The following SGCZ variants were observed in gnomAD, a reference collection of about 807,000 sequenced individuals.
SGCZ encodes the protein zeta-sarcoglycan.
In SGCZ, 40 loss-of-function variants were observed where a neutral mutation model predicts 41.3. That is an observed-to-expected ratio of 0.97 (90% CI 0.75 to 1.26). The LOEUF (loss-of-function observed/expected upper bound fraction) is 1.26, where lower values mean the gene tolerates loss of function less well. Among genes scored for constraint, SGCZ ranks in the 50% most tolerant of loss-of-function variants. The pLI, the probability that SGCZ is intolerant of heterozygous loss-of-function variation, is 0.00. For missense variants in SGCZ, 552 were observed against 369.8 expected, an observed-to-expected ratio of 1.49 and a Z score of -4.04; for synonymous variants, 206 against 137.5, an observed-to-expected ratio of 1.50 and a Z score of -3.49.
At chr8:14,398,942 C>A (rs1371982661) in intron 2 of SGCZ, among the ~76,000 whole-genome samples, 1 of 151,970 alleles carries the variant, frequency 6.6e-6, no homozygotes, top group Non-Finnish European at 1.5e-5. Flanking sequence ...TTACAATTTT[C>A]TTTTCTTTTT....
At chr8:14,801,714 G>C (rs569524549) in intron 1 of SGCZ, among the ~76,000 whole-genome samples, 4 of 152,142 alleles carry the variant, frequency 2.6e-5, no homozygotes, top group Non-Finnish European at 5.9e-5. Flanking sequence ...TTGCTAGAAG[G>C]ATCAAGATCA....
intron 1 of SGCZ, among the ~76,000 whole-genome samples, chr8:15,098,110 G>A (rs9918870): frequency 0.95 from 144,292 of 151,430 alleles, 68,964 homozygotes; most frequent in Middle Eastern, 0.99. Flanking sequence ...TCTTTATGTA[G>A]AAGTAACAGC....
At chr8:14,684,779 CA>C (rs199790040) in intron 1 of SGCZ, among the ~76,000 whole-genome samples, 4 of 149,588 alleles carry the variant, frequency 2.7e-5, no homozygotes, top group African/African-American at 4.9e-5. Flanking sequence ...TCTTTCCTTT[CA>C]AAAAAAAATC....
At chr8:14,890,759 G>A (rs1804981313) in intron 1 of SGCZ, among the ~76,000 whole-genome samples, 1 of 152,188 alleles carries the variant, frequency 6.6e-6, no homozygotes, top group Non-Finnish European at 1.5e-5. Flanking sequence ...AGCCAAAGAG[G>A]AGAGTCAATG....
intron 4 of SGCZ, among the ~76,000 whole-genome samples, chr8:14,233,069 G>C (rs921511556): frequency 6.6e-5 from 10 of 151,962 alleles, no homozygotes; most frequent in Admixed American, 3.3e-4. Flanking sequence ...AATGAGGAAT[G>C]CTAACAAAAC....
chr8:14,802,921 G>T (rs2130508353), intron 1 of SGCZ, among the ~76,000 whole-genome samples: 1 of 152,276 alleles, frequency 6.6e-6, no homozygotes, highest in East Asian at 1.9e-4. Flanking sequence ...TTCAGCTAAA[G>T]CAGCAGGACC....
rs112083836 is a variant in SGCZ at position 14,999,634 on chromosome 8, C to A, written c.39+237951G>T. On this transcript the variant is annotated intron_variant, in intron 1 of 7. Coordinates refer to ENST00000382080, the MANE Select transcript of SGCZ (RefSeq NM_139167.4). ...TAACTTCTCTCTATGCAATGTGGTGCTGCAACCCTGCTTCTATTACAGTCT... is the reference window on the plus strand; with the variant it reads ...TAACTTCTCTCTATGCAATGTGGTGATGCAACCCTGCTTCTATTACAGTCT... Among the ~76,000 whole-genome samples the A allele has an allele frequency of 3.8e-3, 582 of 151,232 alleles. 4 individuals carry two copies. Among genetic ancestry groups the A allele is most frequent in the African/African-American group, 0.014 (558 of 40,604 alleles).
intron 3 of SGCZ, among the ~76,000 whole-genome samples, chr8:14,243,856 G>A (rs565684366): frequency 7.9e-5 from 12 of 152,196 alleles, no homozygotes; most frequent in South Asian, 4.1e-4. Context: ...CACAGTACTC[G>A]TTGTAGGCTT....
chr8:14,448,525 G>A (rs1363913182), intron 2 of SGCZ, among the ~76,000 whole-genome samples: 1 of 152,128 alleles, frequency 6.6e-6, no homozygotes, highest in East Asian at 1.9e-4. Flanking sequence ...TATGGGAATT[G>A]CTGAGTCAAA....
At chr8:14,860,735 A>AAAGAAAGAAAGAAAGAAAGT (rs1178772574) in intron 1 of SGCZ, among the ~76,000 whole-genome samples, 31 of 112,828 alleles carry the variant, frequency 2.7e-4, no homozygotes, top group African/African-American at 8.2e-4. Context: ...AGAAAGAAAG[A>AAAGAAAGAAAGAAAGAAAGT]AAGTAAGTAA....
intron 3 of SGCZ, among the ~76,000 whole-genome samples, chr8:14,319,027 C>G (rs377394690): frequency 6.6e-6 from 1 of 151,542 alleles, no homozygotes; most frequent in Non-Finnish European, 1.5e-5. Context: ...CTCTAGATGA[C>G]AGTCACTTGT....
chr8:14,769,477 G>A lies in SGCZ; in HGVS notation c.40-214551C>T, dbSNP rs1466463516. Among the ~76,000 whole-genome samples, 6 of 152,124 alleles carry A rather than the reference G, an allele frequency of 3.9e-5. No homozygotes were observed. The East Asian group carries it at 9.7e-4, about 24-fold the overall frequency. ...ATTTTATGTATCAGTGCTCATAAAA[G>A]GAAGGAGTGGTCTTTTAAAACACTT... is the stretch of plus-strand genomic sequence containing the variant. On this transcript the variant is annotated intron_variant, in intron 1 of 7. Coordinates refer to ENST00000382080, the MANE Select transcript of SGCZ (RefSeq NM_139167.4).
chr8:15,123,888 A>G (rs1329477923), intron 1 of SGCZ, among the ~76,000 whole-genome samples: 1 of 151,438 alleles, frequency 6.6e-6, no homozygotes, highest in Admixed American at 6.6e-5. Flanking sequence ...GAAGGAAGCA[A>G]TGTTAACAAA....
intron 1 of SGCZ, among the ~76,000 whole-genome samples, chr8:14,666,536 C>T (rs747195877): frequency 6.6e-6 from 1 of 152,158 alleles, no homozygotes; most frequent in African/African-American, 2.4e-5. Flanking sequence ...ATCTCAATTA[C>T]ATCTTATCAG....
chr8:14,691,603 T>G (rs536378912), intron 1 of SGCZ, among the ~76,000 whole-genome samples: 2 of 151,984 alleles, frequency 1.3e-5, no homozygotes, highest in Non-Finnish European at 2.9e-5. Flanking sequence ...ATTACTGATA[T>G]GAATAATGTC....
chr8:15,164,397 C>T (rs1371657246), intron 1 of SGCZ, among the ~76,000 whole-genome samples: 2 of 152,028 alleles, frequency 1.3e-5, no homozygotes, highest in African/African-American at 2.4e-5. Flanking sequence ...CCAGCCACTC[C>T]GCACTCCATG....
intron 1 of SGCZ, among the ~76,000 whole-genome samples, chr8:14,778,757 G>A (rs144007545): frequency 1.0e-3 from 153 of 152,278 alleles, no homozygotes; most frequent in African/African-American, 3.5e-3. Context: ...GAGAAATGCA[G>A]ATCAAGAACA....
At chr8:14,575,159 T>C (rs1804669484) in intron 1 of SGCZ, among the ~76,000 whole-genome samples, 1 of 152,216 alleles carries the variant, frequency 6.6e-6, no homozygotes, top group African/African-American at 2.4e-5. Flanking sequence ...TAAATAATTT[T>C]GGGAAAAGTA....
At chr8:14,092,304 CTT>C (rs1194424204) in intron 7 of SGCZ, among the ~76,000 whole-genome samples, 1 of 151,858 alleles carries the variant, frequency 6.6e-6, no homozygotes, top group Non-Finnish European at 1.5e-5. Context: ...TATGTGGGCT[CTT>C]TTTTGGTTCC....
Sources: allele counts gnomAD v4.1 joint callset (sites outside exome capture counted in the v4.1 genomes callset), GRCh38; gene constraint gnomAD v4.1.1; transcripts MANE v1.5; gene names NCBI Gene and HGNC (gene_info 2026-07-23, HGNC 2026-07-21).